Variants in RGS5 observed in about 807,000 individuals in gnomAD.
RGS5 encodes regulator of G protein signaling 5, also known as regulator of G-protein signalling 5.
RGS5 carries 20 observed loss-of-function variants against 18.9 expected under a neutral mutation model. The ratio of observed to expected loss-of-function variants is 1.06; its 90% CI spans 0.74 to 1.54. RGS5 has a LOEUF of 1.54. RGS5 is among the 40% of genes most tolerant of loss of function. The probability of loss-of-function intolerance (pLI) is 0.00; values close to 1 mark genes in which losing one functional copy is unlikely to be tolerated. For missense variants in RGS5, 201 were observed against 211.8 expected, an observed-to-expected ratio of 0.95 and a Z score of 0.32; for synonymous variants, 57 against 76.2, an observed-to-expected ratio of 0.75 and a Z score of 1.31.
At chr1:163,147,912 C>CTTTTTCTTTTTTTTCTTTTTTT (rs1553211787) in intron 4 of RGS5, among the ~76,000 whole-genome samples, 4 of 101,920 alleles carry the variant, frequency 3.9e-5, no homozygotes, top group African/African-American at 1.6e-4. Context: ...GTGCTTTTTT[C>CTTTTTCTTTTTTTTCTTTTTTT]TTTTTCTTTT....
chr1:163,274,865 C>T (rs1404537905), intron 2 of RGS5, among the ~76,000 whole-genome samples: 1 of 152,118 alleles, frequency 6.6e-6, no homozygotes, highest in East Asian at 1.9e-4. Flanking sequence ...ACTTGTAATC[C>T]CAACACTTTT....
rs1411895116 is a variant in RGS5 at position 163,146,124 on chromosome 1, T to G, written c.*1218A>C. The G allele has an allele frequency of 1.3e-5, 2 of 152,180 alleles. No individual in the cohort carries two copies. Among genetic ancestry groups the G allele is most frequent in the Admixed American group, 6.5e-5 (1 of 15,268 alleles). The allele number at this position is 152,180 out of a possible 1,614,324, so 9.4% of individuals were successfully genotyped here. ...ACCTACCAAAAGTCCTATGGCCTAT[T>G]ATTTAGCTGTGAATGAGACACGTCA... On this transcript the variant is annotated 3_prime_UTR_variant, in exon 5 of 5. Transcript: ENST00000313961.
intron 3 of RGS5, among the ~76,000 whole-genome samples, chr1:163,159,417 A>G (rs949111827): frequency 8.5e-5 from 13 of 152,346 alleles, no homozygotes; most frequent in African/African-American, 2.6e-4. Flanking sequence ...GAACTAATAA[A>G]TGTCCATGAA....
chr1:163,213,439 C>T (rs534950310), intron 1 of RGS5, among the ~76,000 whole-genome samples: 1 of 152,288 alleles, frequency 6.6e-6, no homozygotes, highest in South Asian at 2.1e-4. Context: ...TTTTGTCCCC[C>T]TCCTCTCCAT....
chr1:163,240,651 G>T (rs1480156786), intron 2 of RGS5, among the ~76,000 whole-genome samples: 1 of 152,036 alleles, frequency 6.6e-6, no homozygotes, highest in East Asian at 1.9e-4. Flanking sequence ...CAAGTAGCTG[G>T]GACCACAGGT....
intron 2 of RGS5, among the ~76,000 whole-genome samples, chr1:163,253,728 C>T (rs541174890): frequency 6.5e-4 from 98 of 151,658 alleles, no homozygotes; most frequent in African/African-American, 2.3e-3. Flanking sequence ...TATACATGTG[C>T]CATGTTGGTG....
chr1:163,268,709 T>C (rs938825800), intron 2 of RGS5, among the ~76,000 whole-genome samples: 1 of 152,186 alleles, frequency 6.6e-6, no homozygotes, highest in Admixed American at 6.6e-5. Context: ...AACTATCCAA[T>C]CTTAAAGTGT....
At chr1:163,299,533 A>G (rs189945542) in intron 2 of RGS5, among the ~76,000 whole-genome samples, 2 of 152,356 alleles carry the variant, frequency 1.3e-5, no homozygotes, top group East Asian at 3.9e-4. Context: ...TTGTGAAATG[A>G]AGATAATAAT....
intron 1 of RGS5, among the ~76,000 whole-genome samples, chr1:163,214,963 C>A (rs1660183642): frequency 6.6e-6 from 1 of 152,140 alleles, no homozygotes; most frequent in Admixed American, 6.5e-5. Flanking sequence ...ACACTTTCTT[C>A]CATTATCAAG....
At chr1:163,175,458 C>G (rs1391270460) in intron 1 of RGS5, among the ~76,000 whole-genome samples, 8 of 152,126 alleles carry the variant, frequency 5.3e-5, no homozygotes. Context: ...TCTTGAAAAC[C>G]CTTAGCGGGA....
At chr1:163,203,013 G>T (rs1329192094), upstream of RGS5, 1 of 581,476 alleles carries the variant, frequency 1.7e-6, no homozygotes, top group African/African-American at 1.9e-5. Context: ...CTGCAGGCTG[G>T]AGAGCAGCAG....
rs182932666 is a variant in RGS5, at chr1:163,174,245, T to A, written c.45-5877A>T. 3.2e-3 allele frequency among the ~76,000 whole-genome samples: 492 copies of A among 152,318 alleles called. 5 individuals carry two copies. Among genetic ancestry groups the A allele is most frequent in the African/African-American group, 0.011 (469 of 41,570 alleles). On this transcript the variant is annotated intron_variant, in intron 1 of 4. Transcript: ENST00000313961. ...TTTTCAATTGGCATTTATATCTCCATATGTATATGTATATGCGAATATTGT... is the reference window on the plus strand; with the variant it reads ...TTTTCAATTGGCATTTATATCTCCAAATGTATATGTATATGCGAATATTGT...
At chr1:163,154,908 T>C (rs990117756) in intron 3 of RGS5, among the ~76,000 whole-genome samples, 4 of 149,522 alleles carry the variant, frequency 2.7e-5, no homozygotes, top group African/African-American at 9.7e-5. Flanking sequence ...TAGATATAGT[T>C]TTTAATTGTA....
At chr1:163,205,904 T>C (rs531065731), upstream of RGS5, among the ~76,000 whole-genome samples, 26 of 152,330 alleles carry the variant, frequency 1.7e-4, no homozygotes, top group South Asian at 2.1e-3. Flanking sequence ...TGGGGACCTC[T>C]TGGACTATGT....
chr1:163,316,286 A>G (rs1338226384), intron 1 of RGS5, among the ~76,000 whole-genome samples: 1 of 152,214 alleles, frequency 6.6e-6, no homozygotes, highest in Non-Finnish European at 1.5e-5. Flanking sequence ...AACATTAGGC[A>G]GGTATAAAAC....
chr1:163,194,981 C>T (rs755890113), intron 1 of RGS5, among the ~76,000 whole-genome samples: 2 of 152,090 alleles, frequency 1.3e-5, no homozygotes. Context: ...CACTTTTATA[C>T]TGCTGGTGGG....
chr1:163,200,056 C>T (rs1319162921), intron 1 of RGS5, among the ~76,000 whole-genome samples: 1 of 152,122 alleles, frequency 6.6e-6, no homozygotes, highest in Non-Finnish European at 1.5e-5. Flanking sequence ...TACCTCACTT[C>T]GTTTACATTA....
chr1:163,219,189 CT>C (rs1406761555), upstream of RGS5, among the ~76,000 whole-genome samples: 1 of 152,136 alleles, frequency 6.6e-6, no homozygotes, highest in Non-Finnish European at 1.5e-5. Context: ...ATTTAACACA[CT>C]CGTACAACCA....
chr1:163,147,439 C>T lies in RGS5; in HGVS notation c.449G>A (p.Ser150Asn). 1 of 1,613,044 alleles carries T rather than the reference C, an allele frequency of 6.2e-7. No individual in the cohort carries two copies. Among genetic ancestry groups the T allele is most frequent in the East Asian group, 2.2e-5 (1 of 44,764 alleles). ...GATTCTTTTCTGGGCCATGTCAAAG[C>T]TGCTCAGGGAAGGTTCCACCAGGTT... ...MKNLVEPSLS[S>N]FDMAQKRIHA... Residue 150 changes from serine (S) to asparagine (N), a missense_variant, in exon 5 of 5, where the codon AGC becomes AAC. Transcript: ENST00000313961.
Sources: allele counts gnomAD v4.1 joint callset (sites outside exome capture counted in the v4.1 genomes callset), GRCh38; gene constraint gnomAD v4.1.1; transcripts MANE v1.5; gene names NCBI Gene and HGNC (gene_info 2026-07-23, HGNC 2026-07-21).